KCMF1: variants seen among roughly 807,000 people sequenced by gnomAD.
The protein encoded by KCMF1 is E3 ubiquitin-protein ligase KCMF1.
KCMF1 carries 3 observed loss-of-function variants against 41.1 expected under a neutral mutation model. The ratio of observed to expected loss-of-function variants is 0.07; its 90% CI spans 0.03 to 0.19. The LOEUF (loss-of-function observed/expected upper bound fraction) is 0.19. Among genes scored for constraint, KCMF1 ranks in the 10% least tolerant of loss-of-function variants. The pLI is 1.00. For synonymous variants in KCMF1, 142 were observed against 164.5 expected, an observed-to-expected ratio of 0.86 and a Z score of 1.04; for missense variants, 286 against 488.9, an observed-to-expected ratio of 0.58 and a Z score of 3.91.
intron 1 of KCMF1, among the ~76,000 whole-genome samples, chr2:85,021,479 G>A (rs947459103): frequency 3.9e-5 from 6 of 152,106 alleles, no homozygotes; most frequent in Admixed American, 1.3e-4. Context: ...AAAATTAGCC[G>A]GGTGTGGTGG....
At chr2:85,045,709 A>G (rs1453152496) in intron 4 of KCMF1, among the ~76,000 whole-genome samples, 2 of 152,216 alleles carry the variant, frequency 1.3e-5, no homozygotes, top group Non-Finnish European at 2.9e-5. Context: ...AAGAAATGCA[A>G]ATCTGTTTTC....
intron 1 of KCMF1, among the ~76,000 whole-genome samples, chr2:84,985,313 A>T (rs1011901579): frequency 1.3e-5 from 2 of 152,176 alleles, no homozygotes; most frequent in African/African-American, 4.8e-5. Context: ...CTGCTTCTAT[A>T]GAAAGGTCTT....
rs1674096450 is a variant in KCMF1, at chr2:84,993,502, G to C, written c.16+22035G>C. ...ATGTACTCCCTTAATCTATTACCCA[G>C]CTTCACATCAACATTTTATCATTTT... is the stretch of plus-strand genomic sequence containing the variant. On this transcript the variant is annotated intron_variant, in intron 1 of 6. Coordinates refer to ENST00000409785, the MANE Select transcript of KCMF1 (RefSeq NM_020122.5). Among the ~76,000 whole-genome samples the C allele has an allele frequency of 3.3e-5, 5 of 152,018 alleles. No homozygotes were observed. The South Asian group carries it at 1.0e-3, about 32-fold the overall frequency.
intron 1 of KCMF1, among the ~76,000 whole-genome samples, chr2:85,008,291 T>TATATATAATATATAAATC (rs1674533371): frequency 6.8e-5 from 1 of 14,624 alleles, no homozygotes; most frequent in East Asian, 4.5e-3. Flanking sequence ...TGATATATAA[T>TATATATAATATATAAATC]ATATATAATA....
chr2:84,977,545 A>G (rs956889452), intron 1 of KCMF1, among the ~76,000 whole-genome samples: 30 of 151,688 alleles, frequency 2.0e-4, no homozygotes, highest in African/African-American at 7.0e-4. Flanking sequence ...TTCAGCCTCC[A>G]TAGCAGGTCG....
At chr2:84,991,252 G>A (rs1674036543) in intron 1 of KCMF1, among the ~76,000 whole-genome samples, 1 of 152,180 alleles carries the variant, frequency 6.6e-6, no homozygotes, top group South Asian at 2.1e-4. Context: ...CTGACATGGG[G>A]AAGGCAGGAG....
chr2:85,047,596 T>TA (rs202167081), intron 5 of KCMF1, among the ~76,000 whole-genome samples: 2,056 of 131,968 alleles, frequency 0.016, 9 homozygotes, highest in Admixed American at 0.022. Context: ...GGAAAAATCT[T>TA]AAAAAAAAAA....
intron 4 of KCMF1, among the ~76,000 whole-genome samples, chr2:85,045,738 G>C (rs1040901362): frequency 6.6e-6 from 1 of 152,230 alleles, no homozygotes; most frequent in Admixed American, 6.5e-5. Flanking sequence ...AGCGGCATTG[G>C]AAAGAAGCTT....
rs865940853 is a variant in KCMF1, at chr2:85,008,263, C to A, written c.17-19626C>A. 8.7e-3 allele frequency among the ~76,000 whole-genome samples: 595 copies of A among 68,772 alleles called. 11 individuals carry two copies. The highest frequency in any genetic ancestry group is 0.029 in the African/African-American group (520 of 17,920). The allele number at this position is 68,772 out of a possible 152,430, so 45.1% of individuals were successfully genotyped here. On this transcript the variant is annotated intron_variant, in intron 1 of 6. Coordinates refer to ENST00000409785, the MANE Select transcript of KCMF1 (RefSeq NM_020122.5). ...ATTATATATGATATATATTATATAT[C>A]ATATATAATATATAATATGATATAT...
intron 1 of KCMF1, among the ~76,000 whole-genome samples, chr2:85,016,351 A>C (rs1331297449): frequency 1.3e-5 from 2 of 152,310 alleles, no homozygotes; most frequent in East Asian, 3.9e-4. Context: ...GTTTTTAAAA[A>C]TATGCGTATA....
intron 1 of KCMF1, among the ~76,000 whole-genome samples, chr2:84,998,302 C>A (rs1017680148): frequency 6.6e-5 from 10 of 151,856 alleles, no homozygotes; most frequent in Admixed American, 5.3e-4. Flanking sequence ...ACCATGTTAG[C>A]CAGGCTGGTC....
chr2:84,995,558 T>G (rs1674158221), intron 1 of KCMF1, among the ~76,000 whole-genome samples: 1 of 152,224 alleles, frequency 6.6e-6, no homozygotes, highest in Non-Finnish European at 1.5e-5. Context: ...GTCACTGATG[T>G]GAGCTACTTG....
chr2:85,028,154 A>G, intron 2 of KCMF1, 98 bp downstream of exon 2: 1 of 689,160 alleles, frequency 1.5e-6, no homozygotes. Context: ...GCAGCATACC[A>G]TAAGCCCCAA....
chr2:85,032,168 T>G (rs1464780429), intron 2 of KCMF1, among the ~76,000 whole-genome samples: 1 of 151,998 alleles, frequency 6.6e-6, no homozygotes. Flanking sequence ...TTGTTTTGTT[T>G]GTTGGTTGGT....
chr2:85,028,483 C>CT (rs398042498), intron 2 of KCMF1, among the ~76,000 whole-genome samples: 606 of 47,270 alleles, frequency 0.013, 137 homozygotes, highest in African/African-American at 0.039. Context: ...CTGTGCCTGG[C>CT]TTTTTTTTTT....
Position 85,059,258 on chromosome 2 carries a change from C to G in KCMF1, c.*5849C>G, listed in dbSNP as rs142880313. On this transcript the variant is annotated 3_prime_UTR_variant, in exon 7 of 7. Coordinates refer to ENST00000409785, the MANE Select transcript of KCMF1 (RefSeq NM_020122.5). ...AGCAGTGTCTGTTGAATTGCCCTAT[C>G]GGATAGCAGCCACCATGTGTGCTGA... 1.3e-5 allele frequency: 2 copies of G among 152,200 alleles called. No individual in the cohort carries two copies. Among genetic ancestry groups the G allele is most frequent in the Non-Finnish European group, 2.9e-5 (2 of 68,040 alleles). 9.4% of individuals were successfully genotyped at this position (152,200 alleles called of 1,614,324 possible). A position where few individuals can be genotyped will look rare whatever the true frequency, so the allele number is the denominator to read the frequency against.
intron 5 of KCMF1, 64 bp downstream of exon 5, chr2:85,046,342 T>G: frequency 7.4e-7 from 1 of 1,348,244 alleles, no homozygotes; most frequent in South Asian, 1.3e-5. Context: ...TTAAAACTTT[T>G]TGTGATGCCA....
At chr2:84,996,316 A>G (rs2103983661) in intron 1 of KCMF1, among the ~76,000 whole-genome samples, 1 of 152,324 alleles carries the variant, frequency 6.6e-6, no homozygotes, top group East Asian at 1.9e-4. Context: ...ATTGACGATA[A>G]TAAGACAGGA....
chr2:85,026,576 G>A (rs1227951134), intron 1 of KCMF1, among the ~76,000 whole-genome samples: 2 of 151,520 alleles, frequency 1.3e-5, no homozygotes, highest in African/African-American at 4.9e-5. Context: ...GCAGCTTCGA[G>A]CTCCTGGGCT....
Sources: gnomAD v4.1 joint callset for allele counts (sites outside exome capture counted in the v4.1 genomes callset) on GRCh38, gnomAD v4.1.1 for gene constraint, MANE v1.5 for transcripts, NCBI Gene and HGNC (gene_info 2026-07-23, HGNC 2026-07-21) for gene names.